The following WARS2 variants were observed in gnomAD, a reference collection of about 807,000 sequenced individuals.
WARS2 encodes tryptophanyl tRNA synthetase 2, mitochondrial.
Under a neutral mutation model 36.5 loss-of-function variants are expected in WARS2, and 28 were observed. The observed-to-expected ratio is 0.77, with a 90% CI of 0.57 to 1.05. The LOEUF (loss-of-function observed/expected upper bound fraction) is 1.05. Among genes scored for constraint, WARS2 ranks in the 50% least tolerant of loss-of-function variants. WARS2 has a pLI of 0.00. For missense variants in WARS2, 435 were observed against 456.8 expected (o/e 0.95, Z 0.44); for synonymous variants, 174 against 178.4 (o/e 0.98, Z 0.20).
intron 1 of WARS2, chr1:119,085,536 G>A (rs1474091516): frequency 1.9e-6 from 3 of 1,610,702 alleles, no homozygotes; most frequent in African/African-American, 2.7e-5. Context: ...TGGTGAGGGG[G>A]TACGAGCCCC....
intron 2 of WARS2, among the ~76,000 whole-genome samples, chr1:119,049,722 G>A (rs1482509976): frequency 1.3e-5 from 2 of 152,134 alleles, no homozygotes; most frequent in Middle Eastern, 3.2e-3. Flanking sequence ...CAAAAACCTT[G>A]GCATCATTCT....
At chr1:119,085,117 A>G in intron 1 of WARS2, 1 of 782,572 alleles carries the variant, frequency 1.3e-6, no homozygotes, top group Non-Finnish European at 2.4e-6. Context: ...CGCCCTTCAG[A>G]ACGCCCGTTG....
intron 1 of WARS2, among the ~76,000 whole-genome samples, chr1:119,101,238 T>C (rs1208118756): frequency 2.6e-5 from 4 of 152,142 alleles, no homozygotes; most frequent in Non-Finnish European, 5.9e-5. Context: ...ATGTATTATA[T>C]ACGTGTAACA....
intron 1 of WARS2, among the ~76,000 whole-genome samples, chr1:119,108,556 T>C (rs2101488914): frequency 6.6e-6 from 1 of 152,070 alleles, no homozygotes; most frequent in South Asian, 2.1e-4. Context: ...ATGATATAAG[T>C]AATTTGTGTC....
intron 1 of WARS2, among the ~76,000 whole-genome samples, chr1:119,116,293 T>C (rs1016651960): frequency 1.3e-5 from 2 of 152,096 alleles, no homozygotes; most frequent in Admixed American, 6.6e-5. Flanking sequence ...ATAAATACGT[T>C]TACCTTCCAG....
chr1:119,066,530 A>G (rs982180775), intron 2 of WARS2, among the ~76,000 whole-genome samples: 1 of 151,810 alleles, frequency 6.6e-6, no homozygotes. Context: ...ATGATAATGT[A>G]TAACAAAGGA....
At chr1:119,080,217 G>A (rs1652080555) in intron 1 of WARS2, among the ~76,000 whole-genome samples, 1 of 152,188 alleles carries the variant, frequency 6.6e-6, no homozygotes, top group East Asian at 1.9e-4. Flanking sequence ...GACCTAGGAA[G>A]ATAAGGGACT....
intron 5 of WARS2, among the ~76,000 whole-genome samples, 173 bp downstream of exon 5, chr1:119,033,922 T>C (rs1571248212): frequency 6.6e-6 from 1 of 152,212 alleles, no homozygotes; most frequent in African/African-American, 2.4e-5. Flanking sequence ...GAATCCAACG[T>C]AGTCTACTTT....
At position 119,075,733 on chromosome 1, in the gene WARS2, G is replaced by T. The variant is rs587597824; in HGVS notation, c.348+617C>A. Among the ~76,000 whole-genome samples, 28 of 152,290 alleles carry T rather than the reference G, an allele frequency of 1.8e-4. No homozygotes were observed. The South Asian group carries it at 5.4e-3, about 29-fold the overall frequency. ...TCTTGATTGCCTTGTCTCTAGGCCA[G>T]ACTATCGGCCTGTCCAAGAATAAAC... On this transcript the variant is annotated intron_variant, in intron 2 of 5. Transcript: ENST00000235521.
intron 2 of WARS2, among the ~76,000 whole-genome samples, chr1:119,075,985 A>C (rs905963192): frequency 6.6e-6 from 1 of 152,236 alleles, no homozygotes; most frequent in Non-Finnish European, 1.5e-5. Flanking sequence ...ACTATTGGTC[A>C]CTAACTTCTA....
intron 1 of WARS2, among the ~76,000 whole-genome samples, chr1:119,099,616 A>G (rs1456560350): frequency 6.6e-6 from 1 of 152,198 alleles, no homozygotes; most frequent in East Asian, 1.9e-4. Flanking sequence ...TCTAGTTAGT[A>G]GAGGATAAAT....
intron 1 of WARS2, among the ~76,000 whole-genome samples, chr1:119,083,046 C>T (rs1481517609): frequency 4.6e-5 from 7 of 152,060 alleles, no homozygotes; most frequent in South Asian, 2.1e-4. Flanking sequence ...CTGGCCAAAA[C>T]GGTGAAACCC....
intron 1 of WARS2, among the ~76,000 whole-genome samples, chr1:119,094,895 GA>G (rs1435399061): frequency 2.0e-5 from 3 of 152,040 alleles, no homozygotes; most frequent in Non-Finnish European, 4.4e-5. Context: ...AAAAAAGAGA[GA>G]AAAATTCAAA....
At chr1:119,111,753 C>T (rs753418519) in intron 1 of WARS2, among the ~76,000 whole-genome samples, 82 of 152,132 alleles carry the variant, frequency 5.4e-4, no homozygotes, top group Admixed American at 1.2e-3. Context: ...TGGATATCCC[C>T]GCTCGGTCAC....
intron 1 of WARS2, among the ~76,000 whole-genome samples, chr1:119,121,904 A>G (rs1403280646): frequency 2.6e-5 from 4 of 152,186 alleles, no homozygotes; most frequent in Non-Finnish European, 5.9e-5. Context: ...AAGATTGATC[A>G]AAGACTTAAA....
rs140418708 is a variant in WARS2, at chr1:119,111,944, C to T, written c.90+28611G>A. On this transcript the variant is annotated intron_variant, in intron 1 of 5. Transcript: ENST00000235521. Reference sequence around the variant, plus strand: ...TCAGATTTTTTTTTTTTCTTTGAGACGGAGTTTTGATCTTGTTGCCCAGGC... The same window carrying T: ...TCAGATTTTTTTTTTTTCTTTGAGATGGAGTTTTGATCTTGTTGCCCAGGC... Among the ~76,000 whole-genome samples, 808 of 151,280 alleles carry T rather than the reference C, an allele frequency of 5.3e-3. 6 individuals are homozygous for T. The highest frequency in any genetic ancestry group is 0.019 in the African/African-American group (781 of 41,230).
At chr1:119,129,068 T>C (rs947732035) in intron 1 of WARS2, among the ~76,000 whole-genome samples, 3 of 152,326 alleles carry the variant, frequency 2.0e-5, no homozygotes, top group Admixed American at 1.3e-4. Flanking sequence ...AAAGTATAAC[T>C]GGTTCTGGAT....
intron 1 of WARS2, among the ~76,000 whole-genome samples, chr1:119,081,019 G>A (rs1237883480): frequency 6.6e-6 from 1 of 152,174 alleles, no homozygotes; most frequent in Non-Finnish European, 1.5e-5. Flanking sequence ...GCCACTTCCA[G>A]CCTATACATT....
chr1:119,082,477 T>C, intron 1 of WARS2: 1 of 984,384 alleles, frequency 1.0e-6, no homozygotes, highest in South Asian at 4.7e-5. Flanking sequence ...AGGCATCATT[T>C]TCTAGGGAAG....
Sources: gnomAD v4.1 joint callset for allele counts (sites outside exome capture counted in the v4.1 genomes callset) on GRCh38, gnomAD v4.1.1 for gene constraint, MANE v1.5 for transcripts, NCBI Gene and HGNC (gene_info 2026-07-23, HGNC 2026-07-21) for gene names.